The following ZNF385B variants were observed in gnomAD, a reference collection of about 807,000 sequenced individuals.
The protein encoded by ZNF385B is zinc finger protein 385B.
Under a neutral mutation model 39.2 loss-of-function variants are expected in ZNF385B, and 23 were observed. That is an observed-to-expected ratio of 0.59 (90% CI 0.42 to 0.83). The LOEUF (loss-of-function observed/expected upper bound fraction) is 0.83. Among genes scored for constraint, ZNF385B ranks in the 40% least tolerant of loss-of-function variants. ZNF385B has a pLI of 0.00. For missense variants in ZNF385B, 552 were observed against 598.9 expected (o/e 0.92, Z 0.82); for synonymous variants, 205 against 222.6 (o/e 0.92, Z 0.70).
At chr2:179,837,655 G>C (rs1482615465) in intron 1 of ZNF385B, among the ~76,000 whole-genome samples, 1 of 152,182 alleles carries the variant, frequency 6.6e-6, no homozygotes, top group Non-Finnish European at 1.5e-5. Flanking sequence ...GGTATTTTGA[G>C]GGTATTCGAG....
chr2:179,692,005 G>T (rs1698393085), intron 3 of ZNF385B, among the ~76,000 whole-genome samples: 1 of 152,000 alleles, frequency 6.6e-6, no homozygotes. Context: ...CTTTGTGGTA[G>T]GAACATTCCA....
intron 3 of ZNF385B, among the ~76,000 whole-genome samples, chr2:179,595,631 T>G (rs963494870): frequency 4.0e-5 from 6 of 151,862 alleles, no homozygotes; most frequent in Admixed American, 3.3e-4. Flanking sequence ...ATTCTTTTTT[T>G]TTTTTTCTTC....
intron 3 of ZNF385B, among the ~76,000 whole-genome samples, chr2:179,691,894 C>T (rs906749872): frequency 7.9e-5 from 12 of 151,776 alleles, no homozygotes; most frequent in African/African-American, 2.9e-4. Flanking sequence ...AATAGTTGTA[C>T]ATATTTATGG....
chr2:179,504,179 A>C (rs1461227604), intron 5 of ZNF385B, among the ~76,000 whole-genome samples: 2 of 151,254 alleles, frequency 1.3e-5, no homozygotes, highest in African/African-American at 4.9e-5. Flanking sequence ...TTCCAATTTC[A>C]TCCATGTCCC....
chr2:179,485,134 TGA>T (rs1178411958), intron 5 of ZNF385B, among the ~76,000 whole-genome samples: 1 of 152,140 alleles, frequency 6.6e-6, no homozygotes, highest in Non-Finnish European at 1.5e-5. Flanking sequence ...GGATTGAATA[TGA>T]GAGAAAAGAG....
At chr2:179,478,813 T>G (rs2053687389) in intron 6 of ZNF385B, among the ~76,000 whole-genome samples, 1 of 152,220 alleles carries the variant, frequency 6.6e-6, no homozygotes, top group Non-Finnish European at 1.5e-5. Flanking sequence ...GGAGGCTCTG[T>G]ATTTTTTTAA....
intron 3 of ZNF385B, among the ~76,000 whole-genome samples, chr2:179,715,855 C>A (rs76465853): frequency 6.6e-6 from 1 of 151,920 alleles, no homozygotes. Flanking sequence ...AAATACCCAT[C>A]ATGAATAAAT....
chr2:179,850,408 A>C (rs1178585733), intron 1 of ZNF385B, among the ~76,000 whole-genome samples: 3 of 152,208 alleles, frequency 2.0e-5, no homozygotes, highest in African/African-American at 7.2e-5. Context: ...ATTACTGGAC[A>C]GTGAATCATC....
chr2:179,630,892 A>T (rs940542360), intron 3 of ZNF385B, among the ~76,000 whole-genome samples: 2 of 152,232 alleles, frequency 1.3e-5, no homozygotes, highest in Non-Finnish European at 2.9e-5. Flanking sequence ...TCAATAGCTG[A>T]TTTGATCAAG....
At chr2:179,745,816 C>G in intron 3 of ZNF385B, 1 of 1,453,482 alleles carries the variant, frequency 6.9e-7, no homozygotes, top group Non-Finnish European at 9.1e-7. Flanking sequence ...GGATAATGCA[C>G]AGCGCTACCG....
At chr2:179,497,107 G>A (rs1169086379) in intron 5 of ZNF385B, among the ~76,000 whole-genome samples, 1 of 152,098 alleles carries the variant, frequency 6.6e-6, no homozygotes, top group African/African-American at 2.4e-5. Flanking sequence ...ACAAACAAAA[G>A]CTGAGGTATT....
At chr2:179,633,526 T>A (rs555068910) in intron 3 of ZNF385B, among the ~76,000 whole-genome samples, 1 of 152,254 alleles carries the variant, frequency 6.6e-6, no homozygotes, top group Admixed American at 6.5e-5. Context: ...AAACTCTCAA[T>A]AAATTAGGTA....
intron 6 of ZNF385B, among the ~76,000 whole-genome samples, chr2:179,475,301 A>T (rs1221885182): frequency 6.9e-6 from 1 of 144,238 alleles, no homozygotes; most frequent in Non-Finnish European, 1.5e-5. Context: ...CCCAGGCTGG[A>T]GTGCAGTGGT....
chr2:179,560,331 C>G (rs759542255), intron 3 of ZNF385B, among the ~76,000 whole-genome samples: 3 of 152,138 alleles, frequency 2.0e-5, no homozygotes, highest in Non-Finnish European at 4.4e-5. Context: ...TTTGTTTTAA[C>G]TATTGGTCTC....
intron 5 of ZNF385B, among the ~76,000 whole-genome samples, chr2:179,493,795 AT>A (rs2055820695): frequency 1.7e-5 from 2 of 120,750 alleles, no homozygotes; most frequent in Non-Finnish European, 3.7e-5. Context: ...ATATGTATAC[AT>A]ATATGTATAT....
chr2:179,494,812 C>T (rs2105690989), intron 5 of ZNF385B, among the ~76,000 whole-genome samples: 1 of 152,264 alleles, frequency 6.6e-6, no homozygotes, highest in Middle Eastern at 3.4e-3. Flanking sequence ...AGTGCCTACA[C>T]ACTACATATG....
chr2:179,583,922 A>C, intron 3 of ZNF385B: 7 of 1,303,836 alleles, frequency 5.4e-6, no homozygotes, highest in Non-Finnish European at 7.1e-6. Flanking sequence ...AGAATGAAAA[A>C]CCATTCAAAC....
At position 179,744,312 on chromosome 2, in the gene ZNF385B, A is replaced by ATT. The variant is rs3215240; in HGVS notation, c.298+25189_298+25190dup. On this transcript the variant is annotated intron_variant, in intron 3 of 9. Transcript: ENST00000410066. ...CTAATTAGGTTCTTCCCATCTCTCC[A>ATT]TTTTTTTTTTTTTTTAAATCATAGA... Among the ~76,000 whole-genome samples, 87 of 145,426 alleles carry ATT rather than the reference A, an allele frequency of 6.0e-4. 1 individual carries two copies. Among genetic ancestry groups the ATT allele is most frequent in the East Asian group, 1.8e-3 (9 of 4,942 alleles).
At chr2:179,477,341 C>T (rs1316947435) in intron 6 of ZNF385B, among the ~76,000 whole-genome samples, 1 of 151,964 alleles carries the variant, frequency 6.6e-6, no homozygotes, top group Admixed American at 6.6e-5. Context: ...CTGATATACT[C>T]ATTGATAACG....
Sources: allele counts gnomAD v4.1 joint callset (sites outside exome capture counted in the v4.1 genomes callset), GRCh38; gene constraint gnomAD v4.1.1; transcripts MANE v1.5; gene names NCBI Gene and HGNC (gene_info 2026-07-23, HGNC 2026-07-21).